The following MOB3B variants were observed in gnomAD, a reference collection of about 807,000 sequenced individuals.
MOB3B encodes the protein MOB kinase activator 3B, also known as MOB kinase activator-like 2B.
In MOB3B, 7 loss-of-function variants were observed where a neutral mutation model predicts 18.7. The ratio of observed to expected loss-of-function variants is 0.37; its 90% CI spans 0.21 to 0.70. The LOEUF (loss-of-function observed/expected upper bound fraction) is 0.70, where lower values mean the gene tolerates loss of function less well. MOB3B is among the 30% of genes least tolerant of loss of function. MOB3B has a pLI of 0.52. For synonymous variants in MOB3B, 111 were observed against 99.9 expected, an observed-to-expected ratio of 1.11 and a Z score of -0.66; for missense variants, 253 against 281.3, an observed-to-expected ratio of 0.90 and a Z score of 0.72.
chr9:27,398,568 A>G (rs559801810), intron 2 of MOB3B, among the ~76,000 whole-genome samples: 1 of 152,294 alleles, frequency 6.6e-6, no homozygotes, highest in South Asian at 2.1e-4. Flanking sequence ...AGAATCTCAA[A>G]CCAGGATCAC....
chr9:27,414,876 A>AT lies in MOB3B; in HGVS notation c.418+40256dup, dbSNP rs1002180690. Among the ~76,000 whole-genome samples, 962 of 149,072 alleles carry AT rather than the reference A, an allele frequency of 6.5e-3. 5 individuals carry two copies. The highest frequency in any genetic ancestry group is 0.022 in the African/African-American group (910 of 40,880). ...TAACCGCAGTTTTATTTATTTTTTA[A>AT]TTTTTTTTTTTGAGACGCTCTGTCA... is the stretch of plus-strand genomic sequence containing the variant. On this transcript the variant is annotated intron_variant, in intron 2 of 3. Transcript: ENST00000262244.
chr9:27,366,142 T>C (rs1249033005), intron 2 of MOB3B, among the ~76,000 whole-genome samples: 1 of 152,166 alleles, frequency 6.6e-6, no homozygotes, highest in African/African-American at 2.4e-5. Flanking sequence ...CCTGTCTCTG[T>C]TGCTCATGAA....
intron 3 of MOB3B, among the ~76,000 whole-genome samples, chr9:27,358,708 A>G (rs1214093064): frequency 2.0e-5 from 3 of 152,242 alleles, no homozygotes; most frequent in Admixed American, 1.3e-4. Flanking sequence ...ATAATATAAA[A>G]TATCAAAGAT....
chr9:27,383,419 T>G (rs1821606855), intron 2 of MOB3B, among the ~76,000 whole-genome samples: 1 of 152,128 alleles, frequency 6.6e-6, no homozygotes, highest in South Asian at 2.1e-4. Context: ...CACAAATAAC[T>G]TATGTGGGTA....
intron 3 of MOB3B, among the ~76,000 whole-genome samples, chr9:27,338,045 G>A (rs1820888318): frequency 6.6e-6 from 1 of 152,076 alleles, no homozygotes; most frequent in Non-Finnish European, 1.5e-5. Context: ...AACAGCACTG[G>A]CTGGAAAGGT....
At chr9:27,391,731 C>T (rs1340674057) in intron 2 of MOB3B, 3 of 152,148 alleles carry the variant, frequency 2.0e-5, no homozygotes, top group Non-Finnish European at 2.9e-5. Context: ...CTCAGACTTC[C>T]CTGACGGGCC....
rs555188301 is a variant in MOB3B at position 27,366,907 on chromosome 9, C to A, written c.419-7671G>T. On this transcript the variant is annotated intron_variant, in intron 2 of 3. Transcript: ENST00000262244. Reference sequence around the variant, plus strand: ...CTCAGTGTCTCCCATCATCCGCAGACCCAGCTTCCCTGGCATCTGTTATTC... The same window carrying A: ...CTCAGTGTCTCCCATCATCCGCAGAACCAGCTTCCCTGGCATCTGTTATTC... 6.6e-5 allele frequency among the ~76,000 whole-genome samples: 10 copies of A among 152,346 alleles called. No individual in the cohort carries two copies. The South Asian group carries it at 2.1e-3, about 32-fold the overall frequency.
At position 27,328,208 on chromosome 9, in the gene MOB3B, G is replaced by A. The variant is rs1300322683; in HGVS notation, c.*2379C>T. 2 of 152,108 alleles carry A rather than the reference G, an allele frequency of 1.3e-5. No individual in the cohort carries two copies. Among genetic ancestry groups the A allele is most frequent in the Non-Finnish European group, 2.9e-5 (2 of 68,016 alleles). 9.4% of individuals were successfully genotyped at this position (152,108 alleles called of 1,614,324 possible). ...AATTAAAATGAAAGCAGAAAAAGAAGGAGAGTAGGACAGGTTAGGAAGAAG... is the reference window on the plus strand; with the variant it reads ...AATTAAAATGAAAGCAGAAAAAGAAAGAGAGTAGGACAGGTTAGGAAGAAG... On this transcript the variant is annotated 3_prime_UTR_variant, in exon 4 of 4. Coordinates refer to ENST00000262244, the MANE Select transcript of MOB3B (RefSeq NM_024761.5).
chr9:27,329,491 CATA>C lies in MOB3B; in HGVS notation c.*1093_*1095del, dbSNP rs1820757806. The stretch of plus-strand genomic sequence containing the variant: ...GGCAGAAATTAATTTTGTGCCGTAA[CATA>C]ACGTGGCAGAGGAGTGGGGAGCGTG... On this transcript the variant is annotated 3_prime_UTR_variant, in exon 4 of 4. Transcript: ENST00000262244. The C allele has an allele frequency of 6.6e-6, 1 of 152,256 alleles. No individual in the cohort carries two copies. Among genetic ancestry groups the C allele is most frequent in the Non-Finnish European group, 1.5e-5 (1 of 68,032 alleles). The allele number at this position is 152,256 out of a possible 1,614,324, so 9.4% of individuals were successfully genotyped here.
At chr9:27,359,381 G>C (rs1035571513) in intron 2 of MOB3B, 145 bp from the exon 3 acceptor site, 42 of 560,126 alleles carry the variant, frequency 7.5e-5, no homozygotes, top group Admixed American at 2.8e-4. Flanking sequence ...GTGTGTGTGG[G>C]GGGGGGGGGT....
At chr9:27,383,724 G>A (rs1821611841) in intron 2 of MOB3B, among the ~76,000 whole-genome samples, 1 of 152,168 alleles carries the variant, frequency 6.6e-6, no homozygotes, top group African/African-American at 2.4e-5. Context: ...AGAGATCTAT[G>A]TAAATACATT....
intron 2 of MOB3B, among the ~76,000 whole-genome samples, chr9:27,432,456 A>C (rs892106923): frequency 3.3e-5 from 5 of 152,178 alleles, no homozygotes; most frequent in African/African-American, 1.2e-4. Flanking sequence ...AAGGACAGGA[A>C]GTACTTTTTG....
chr9:27,408,182 T>C (rs1822015200), intron 2 of MOB3B, among the ~76,000 whole-genome samples: 1 of 152,156 alleles, frequency 6.6e-6, no homozygotes, highest in Admixed American at 6.6e-5. Context: ...TTTTACCCCA[T>C]GAAAGCTGCA....
At chr9:27,438,670 G>A (rs1003226549) in intron 2 of MOB3B, among the ~76,000 whole-genome samples, 2 of 152,206 alleles carry the variant, frequency 1.3e-5, no homozygotes, top group East Asian at 1.9e-4. Flanking sequence ...GGATAGCACC[G>A]TTGGGAGGAC....
intron 1 of MOB3B, among the ~76,000 whole-genome samples, chr9:27,486,156 G>A (rs565459910): frequency 2.6e-5 from 4 of 152,176 alleles, no homozygotes; most frequent in Admixed American, 6.5e-5. Context: ...AGCTAGTTTC[G>A]ATGGTGGACC....
chr9:27,433,142 T>A (rs1241668205), intron 2 of MOB3B, among the ~76,000 whole-genome samples: 1 of 152,136 alleles, frequency 6.6e-6, no homozygotes, highest in Non-Finnish European at 1.5e-5. Context: ...TTGATATAAA[T>A]TTAGTACCGG....
intron 2 of MOB3B, among the ~76,000 whole-genome samples, chr9:27,382,584 G>T (rs183627932): frequency 5.2e-4 from 79 of 152,216 alleles, no homozygotes; most frequent in Non-Finnish European, 8.8e-4. Flanking sequence ...CAGGTCCGTG[G>T]CTCCTACCTA....
At chr9:27,469,070 A>G (rs1213774198) in intron 1 of MOB3B, among the ~76,000 whole-genome samples, 1 of 152,234 alleles carries the variant, frequency 6.6e-6, no homozygotes, top group Non-Finnish European at 1.5e-5. Context: ...TTAAAAAATA[A>G]GTTTTAAAAA....
At chr9:27,528,287 C>T (rs1188995552) in intron 1 of MOB3B, among the ~76,000 whole-genome samples, 2 of 152,252 alleles carry the variant, frequency 1.3e-5, no homozygotes, top group Admixed American at 6.5e-5. Flanking sequence ...CGATCCCCTC[C>T]CACTGCCCTA....
Sources: allele counts gnomAD v4.1 joint callset (sites outside exome capture counted in the v4.1 genomes callset), GRCh38; gene constraint gnomAD v4.1.1; transcripts MANE v1.5; gene names NCBI Gene and HGNC (gene_info 2026-07-23, HGNC 2026-07-21).